Variants in MARCHF1 observed in about 807,000 individuals in gnomAD.
MARCHF1 encodes E3 ubiquitin-protein ligase MARCHF1.
In MARCHF1, 40 loss-of-function variants were observed where a neutral mutation model predicts 54.2. That is an observed-to-expected ratio of 0.74 (90% CI 0.57 to 0.96). MARCHF1 has a LOEUF of 0.96. Among genes scored for constraint, MARCHF1 ranks in the 40% least tolerant of loss-of-function variants. The probability of loss-of-function intolerance (pLI) is 0.00; values close to 1 mark genes in which losing one functional copy is unlikely to be tolerated. For synonymous variants in MARCHF1, 236 were observed against 236.3 expected (o/e 1.00, Z 0.01); for missense variants, 586 against 656.5 (o/e 0.89, Z 1.17).
chr4:164,093,613 A>G (rs1755349274), intron 2 of MARCHF1, among the ~76,000 whole-genome samples: 1 of 152,142 alleles, frequency 6.6e-6, no homozygotes, highest in African/African-American at 2.4e-5. Flanking sequence ...ACCCAGGAGA[A>G]ATGGAATAGT....
chr4:163,801,469 T>C lies in MARCHF1; in HGVS notation c.111+52552A>G, dbSNP rs150601876. On this transcript the variant is annotated intron_variant, in intron 4 of 9. Coordinates refer to ENST00000514618, the MANE Select transcript of MARCHF1 (RefSeq NM_001394959.1). The stretch of plus-strand genomic sequence containing the variant: ...GGTTCTATTTAGAAGACACTATGTC[T>C]AAATACTCCGGAATGTGCTACGGAA... Among the ~76,000 whole-genome samples, 1,306 of 152,238 alleles carry C rather than the reference T, an allele frequency of 8.6e-3. 22 individuals are homozygous for C. The highest frequency in any genetic ancestry group is 0.03 in the African/African-American group (1,254 of 41,566).
At chr4:163,575,761 G>T (rs1455696012) in intron 8 of MARCHF1, among the ~76,000 whole-genome samples, 1 of 151,598 alleles carries the variant, frequency 6.6e-6, no homozygotes, top group Admixed American at 6.6e-5. Context: ...ATTTCTTTCT[G>T]ATTCAATCTT....
rs540508665 is a variant in MARCHF1 at position 164,060,641 on chromosome 4, G to A, written c.-248+50947C>T. ...TATCCAATTTTCCAATAACTGAATA[G>A]CTTTTACTTAGAAAAAACATCCAGC... On this transcript the variant is annotated intron_variant, in intron 2 of 9. Coordinates refer to ENST00000514618, the MANE Select transcript of MARCHF1 (RefSeq NM_001394959.1). 3.1e-4 allele frequency among the ~76,000 whole-genome samples: 47 copies of A among 152,156 alleles called. 1 individual carries two copies. Among genetic ancestry groups the A allele is most frequent in the African/African-American group, 1.1e-3 (46 of 41,558 alleles).
chr4:163,945,142 A>C (rs569532169), intron 3 of MARCHF1, among the ~76,000 whole-genome samples: 1 of 152,340 alleles, frequency 6.6e-6, no homozygotes, highest in Non-Finnish European at 1.5e-5. Flanking sequence ...AAAGATTTCA[A>C]GAAAATAATG....
intron 2 of MARCHF1, among the ~76,000 whole-genome samples, chr4:164,035,054 C>A (rs566137954): frequency 6.6e-6 from 1 of 151,896 alleles, no homozygotes; most frequent in Non-Finnish European, 1.5e-5. Flanking sequence ...AGAGAAAATG[C>A]CTCTAATATC....
intron 1 of MARCHF1, among the ~76,000 whole-genome samples, chr4:164,206,644 A>T (rs903091957): frequency 6.6e-6 from 1 of 152,144 alleles, no homozygotes; most frequent in Non-Finnish European, 1.5e-5. Context: ...AGAGGAAAAA[A>T]TTTCAGTCCA....
intron 1 of MARCHF1, among the ~76,000 whole-genome samples, chr4:164,120,137 T>C (rs1385608123): frequency 6.6e-6 from 1 of 151,964 alleles, no homozygotes; most frequent in East Asian, 1.9e-4. Context: ...AATCAAGGGA[T>C]AGATACAGAT....
intron 3 of MARCHF1, among the ~76,000 whole-genome samples, chr4:163,899,166 C>T (rs1750882059): frequency 6.6e-6 from 1 of 152,152 alleles, no homozygotes; most frequent in South Asian, 2.1e-4. Flanking sequence ...CCTTCTGAAT[C>T]CAAAACAAAA....
chr4:164,252,329 AAAAACAAAACAAAAC>A (rs146653368), intron 1 of MARCHF1, among the ~76,000 whole-genome samples: 45,144 of 151,712 alleles, frequency 0.3, 7,766 homozygotes, highest in Admixed American at 0.45. Context: ...CCACCATCAA[AAAAACAAAACAAAAC>A]AAAACAAAAC....
chr4:164,380,124 T>G (rs1561026391), intron 1 of MARCHF1, among the ~76,000 whole-genome samples: 1 of 152,188 alleles, frequency 6.6e-6, no homozygotes, highest in Non-Finnish European at 1.5e-5. Flanking sequence ...CTTCATAATT[T>G]TTATGAATAA....
At chr4:164,298,469 C>T (rs1375072837) in intron 1 of MARCHF1, among the ~76,000 whole-genome samples, 1 of 151,968 alleles carries the variant, frequency 6.6e-6, no homozygotes, top group East Asian at 1.9e-4. Flanking sequence ...CCCATTACAA[C>T]CTAATTTGTA....
chr4:164,319,725 A>G (rs763586614), intron 1 of MARCHF1, among the ~76,000 whole-genome samples: 7 of 152,088 alleles, frequency 4.6e-5, no homozygotes, highest in Non-Finnish European at 1.0e-4. Flanking sequence ...TAGATCCTTT[A>G]TTTTAAAGGG....
chr4:163,789,050 T>A (rs1747698337), intron 4 of MARCHF1, among the ~76,000 whole-genome samples: 1 of 152,090 alleles, frequency 6.6e-6, no homozygotes, highest in South Asian at 2.1e-4. Context: ...GTTTCTCCCA[T>A]TCTTTCTACA....
At chr4:163,965,374 T>C (rs1752422026) in intron 3 of MARCHF1, among the ~76,000 whole-genome samples, 1 of 152,012 alleles carries the variant, frequency 6.6e-6, no homozygotes, top group Non-Finnish European at 1.5e-5. Flanking sequence ...TCATGCACGC[T>C]CTACACAGTA....
At chr4:163,911,371 G>C (rs1751185427) in intron 3 of MARCHF1, among the ~76,000 whole-genome samples, 1 of 152,118 alleles carries the variant, frequency 6.6e-6, no homozygotes, top group Non-Finnish European at 1.5e-5. Flanking sequence ...AATAAGCTTA[G>C]TAAGACAGGC....
intron 2 of MARCHF1, among the ~76,000 whole-genome samples, chr4:164,102,867 C>A (rs1410136277): frequency 2.1e-5 from 2 of 97,120 alleles, no homozygotes; most frequent in East Asian, 2.2e-4. Flanking sequence ...ATTCAGGAAA[C>A]CCATCTCACG....
chr4:163,607,847 G>A (rs1468284402), intron 7 of MARCHF1, among the ~76,000 whole-genome samples: 1 of 151,944 alleles, frequency 6.6e-6, no homozygotes, highest in Admixed American at 6.6e-5. Flanking sequence ...CCAGAGCAAG[G>A]GCATCAGAAA....
chr4:164,120,298 T>C (rs1037731764), intron 1 of MARCHF1, among the ~76,000 whole-genome samples: 4 of 152,076 alleles, frequency 2.6e-5, no homozygotes, highest in Non-Finnish European at 4.4e-5. Context: ...ATTTTCAATA[T>C]ACATGCACCC....
chr4:164,005,870 G>A (rs1753275427), intron 2 of MARCHF1, among the ~76,000 whole-genome samples: 2 of 151,996 alleles, frequency 1.3e-5, no homozygotes, highest in South Asian at 4.2e-4. Context: ...AATCTGTATG[G>A]GACCTATCCC....
Sources: gnomAD v4.1 joint callset for allele counts (sites outside exome capture counted in the v4.1 genomes callset) on GRCh38, gnomAD v4.1.1 for gene constraint, MANE v1.5 for transcripts, NCBI Gene and HGNC (gene_info 2026-07-23, HGNC 2026-07-21) for gene names.